The following MFAP3L variants were observed in gnomAD, a reference collection of about 807,000 sequenced individuals.
MFAP3L encodes microfibrillar-associated protein 3-like.
A neutral mutation model predicts 20.0 loss-of-function variants in MFAP3L; 5 were observed. That is an observed-to-expected ratio of 0.25 (90% CI 0.13 to 0.53). The LOEUF is 0.53. Among genes scored for constraint, MFAP3L ranks in the 20% least tolerant of loss-of-function variants. The pLI is 0.96. For synonymous variants in MFAP3L, 219 were observed against 213.0 expected (o/e 1.03, Z -0.25); for missense variants, 409 against 527.5 (o/e 0.78, Z 2.20).
At chr4:170,014,909 C>T (rs551849443) in intron 1 of MFAP3L, among the ~76,000 whole-genome samples, 75 of 152,284 alleles carry the variant, frequency 4.9e-4, no homozygotes, top group African/African-American at 1.4e-3. Context: ...ACTCAACTCA[C>T]GATGAGCCTG....
At position 169,995,574 on chromosome 4, in the gene MFAP3L, G is replaced by A. The variant is rs545144800; in HGVS notation, c.299-3265C>T. Among the ~76,000 whole-genome samples, 121 of 152,286 alleles carry A rather than the reference G, an allele frequency of 7.9e-4. 1 individual carries two copies. Among genetic ancestry groups the A allele is most frequent in the East Asian group, 1.4e-3 (7 of 5,178 alleles). ...GCACTTGTCCAGACAGGAACATCTC[G>A]AAAACGTTCTTGCTGCTGCACATTA... On this transcript the variant is annotated intron_variant, in intron 2 of 2. Coordinates refer to ENST00000361618, the MANE Select transcript of MFAP3L (RefSeq NM_021647.8).
At chr4:169,994,222 G>T (rs1209059630) in intron 2 of MFAP3L, 1 of 985,286 alleles carries the variant, frequency 1.0e-6, no homozygotes, top group East Asian at 1.1e-4. Context: ...AAATATAGCA[G>T]AAAATAGAGT....
chr4:170,020,311 CA>C (rs1168237901), intron 1 of MFAP3L, among the ~76,000 whole-genome samples: 1 of 152,086 alleles, frequency 6.6e-6, no homozygotes, highest in Non-Finnish European at 1.5e-5. Flanking sequence ...CCCTGAGAAA[CA>C]TATCAATCAC....
intron 1 of MFAP3L, among the ~76,000 whole-genome samples, chr4:170,021,666 T>A (rs1338355814): frequency 6.6e-6 from 1 of 152,156 alleles, no homozygotes; most frequent in Non-Finnish European, 1.5e-5. Flanking sequence ...GAAGAATCCT[T>A]CAGTTTAGGT....
intron 2 of MFAP3L, among the ~76,000 whole-genome samples, chr4:170,000,214 C>T (rs948161530): frequency 4.6e-5 from 7 of 152,258 alleles, no homozygotes; most frequent in Middle Eastern, 3.4e-3. Context: ...GAAAGGAGGC[C>T]TCTGATGAGA....
intron 1 of MFAP3L, among the ~76,000 whole-genome samples, chr4:170,019,837 C>A (rs557470262): frequency 3.9e-5 from 6 of 152,302 alleles, no homozygotes; most frequent in African/African-American, 1.2e-4. Context: ...TTTCCTCTTT[C>A]CTGTTGACTA....
rs1167152605 is a variant in MFAP3L, at chr4:170,005,923, C to T, written c.-46G>A. 17 of 1,577,862 alleles carry T rather than the reference C, an allele frequency of 1.1e-5. No homozygotes were observed. The highest frequency in any genetic ancestry group is 3.5e-5 in the Admixed American group (2 of 56,998). ...GGCAATAGAGAGATGGTTTGCCAAC[C>T]GAATCTTCTATCAGACAACACACTG... On this transcript the variant is annotated 5_prime_UTR_variant, in exon 2 of 3. Transcript: ENST00000361618.
chr4:170,005,976 T>C lies in MFAP3L; in HGVS notation c.-99A>G. The stretch of plus-strand genomic sequence containing the variant: ...CACAGCAGGTCATGGGACAAACCTG[T>C]CCTGGGTCCATAGAGTTGGTACTTG... On this transcript the variant is annotated 5_prime_UTR_variant, in exon 2 of 3. Coordinates refer to ENST00000361618, the MANE Select transcript of MFAP3L (RefSeq NM_021647.8). 1 of 1,476,772 alleles carries C rather than the reference T, an allele frequency of 6.8e-7. No individual in the cohort carries two copies. The highest frequency in any genetic ancestry group is 9.0e-7 in the Non-Finnish European group (1 of 1,114,358). The allele number at this position is 1,476,772 out of a possible 1,614,324, so 91.5% of individuals were successfully genotyped here.
intron 1 of MFAP3L, among the ~76,000 whole-genome samples, chr4:170,009,607 C>G (rs1192358075): frequency 6.6e-6 from 1 of 152,134 alleles, no homozygotes; most frequent in Admixed American, 6.5e-5. Context: ...CTACAATGGA[C>G]AAGTTGTTAA....
At chr4:170,015,807 T>G (rs1339065622) in intron 1 of MFAP3L, among the ~76,000 whole-genome samples, 3 of 152,158 alleles carry the variant, frequency 2.0e-5, no homozygotes, top group Admixed American at 6.5e-5. Context: ...TTTACCCTGT[T>G]ACCTGGACTA....
chr4:170,022,464 T>C (rs1740096479), intron 1 of MFAP3L, among the ~76,000 whole-genome samples: 1 of 152,202 alleles, frequency 6.6e-6, no homozygotes, highest in Non-Finnish European at 1.5e-5. Flanking sequence ...AAGGACCACT[T>C]TGTTCCCCTC....
intron 2 of MFAP3L, among the ~76,000 whole-genome samples, chr4:169,995,432 TC>T (rs1311529191): frequency 6.6e-6 from 1 of 152,210 alleles, no homozygotes; most frequent in Non-Finnish European, 1.5e-5. Context: ...AATAAAGATT[TC>T]TGCACATTCT....
upstream of MFAP3L, among the ~76,000 whole-genome samples, chr4:170,026,581 G>A (rs1730453318): frequency 6.6e-6 from 1 of 151,600 alleles, no homozygotes; most frequent in Admixed American, 6.6e-5. Context: ...CGGCCCCGCG[G>A]AGGAGCCACC....
At chr4:169,999,815 T>C (rs1278952244) in intron 2 of MFAP3L, among the ~76,000 whole-genome samples, 1 of 152,190 alleles carries the variant, frequency 6.6e-6, no homozygotes, top group Admixed American at 6.5e-5. Flanking sequence ...TTTGGAACGA[T>C]TCTTTAGTTA....
At chr4:169,997,411 G>T in intron 2 of MFAP3L, among the ~76,000 whole-genome samples, 1 of 152,124 alleles carries the variant, frequency 6.6e-6, no homozygotes, top group African/African-American at 2.4e-5. Flanking sequence ...GAAAATTCTA[G>T]AATGTTTGAC....
In MFAP3L at chr4:169,992,491, A is replaced by C. The variant is rs1016198668; in HGVS notation, c.299-182T>G. ...ATGCATCAGCTCATTTAATCCTCAC[A>C]ATAACTCTGCAAGGTGGCCCCTGAC... is the stretch of plus-strand genomic sequence containing the variant. On this transcript the variant is annotated intron_variant, in intron 2 of 2. Transcript: ENST00000361618. This position sits in a 1 kb window ranked among gnomAD's most constrained non-coding sequence, Gnocchi z 4.3. Among the ~76,000 whole-genome samples the C allele has an allele frequency of 6.6e-6, 1 of 152,198 alleles. No individual in the cohort carries two copies. The highest frequency in any genetic ancestry group is 2.4e-5 in the African/African-American group (1 of 41,452).
rs763635973 is a variant in MFAP3L at position 169,991,546 on chromosome 4, G to A, written c.1062C>T (p.Pro354=). ...EETELSAEHS[P]ETAEPSTDVT... is the part of the protein sequence containing the mutation. The stretch of plus-strand genomic sequence containing the variant: ...CATCGGTAGAAGGTTCTGCAGTTTC[G>A]GGGGAATGTTCCGCCGACAGTTCTG... Residue 354 remains proline (P), a synonymous_variant, in exon 3 of 3, where the codon CCC becomes CCT. Coordinates refer to ENST00000361618, the MANE Select transcript of MFAP3L (RefSeq NM_021647.8). This position sits in a 1 kb window ranked among gnomAD's most constrained non-coding sequence, Gnocchi z 4.9. The A allele has an allele frequency of 1.2e-5, 19 of 1,614,108 alleles. No individual in the cohort carries two copies. The South Asian group carries it at 1.2e-4, about 10-fold the overall frequency.
rs949831134 is a variant in MFAP3L at position 170,026,222 on chromosome 4, G to C, written c.-134+12C>G. ...GCCCCTCCGCCCCGGCCCGCCGGGGGCCCCCGCTAACCTGACACCGCCGCG... is the reference window on the plus strand; with the variant it reads ...GCCCCTCCGCCCCGGCCCGCCGGGGCCCCCCGCTAACCTGACACCGCCGCG... On this transcript the variant is annotated intron_variant, in intron 1 of 2. Coordinates refer to ENST00000361618, the MANE Select transcript of MFAP3L (RefSeq NM_021647.8). 1 of 984,360 alleles carries C rather than the reference G, an allele frequency of 1.0e-6. No homozygotes were observed. Among genetic ancestry groups the C allele is most frequent in the African/African-American group, 1.8e-5 (1 of 57,132 alleles). 61.0% of individuals were successfully genotyped at this position (984,360 alleles called of 1,614,324 possible). A position where few individuals can be genotyped will look rare whatever the true frequency, so the allele number is the denominator to read the frequency against.
chr4:170,009,430 G>C (rs1013381031), intron 1 of MFAP3L, among the ~76,000 whole-genome samples: 4 of 150,402 alleles, frequency 2.7e-5, no homozygotes, highest in Admixed American at 1.3e-4. Context: ...CTAACATTGT[G>C]AAAGACATTT....
Sources: allele counts gnomAD v4.1 joint callset (sites outside exome capture counted in the v4.1 genomes callset), GRCh38; gene constraint gnomAD v4.1.1; non-coding constraint Gnocchi (gnomAD v3.1); transcripts MANE v1.5; gene names NCBI Gene and HGNC (gene_info 2026-07-23, HGNC 2026-07-21).